AGBL1: variants seen among roughly 807,000 people sequenced by gnomAD.
AGBL1 encodes the protein cytosolic carboxypeptidase 4.
Under a neutral mutation model 118.9 loss-of-function variants are expected in AGBL1, and 130 were observed. The ratio of observed to expected loss-of-function variants is 1.09; its 90% CI spans 0.95 to 1.26. The LOEUF (loss-of-function observed/expected upper bound fraction) is 1.26. AGBL1 is among the 50% of genes most tolerant of loss of function. AGBL1 has a pLI of 0.00. For synonymous variants in AGBL1, 555 were observed against 478.9 expected, an observed-to-expected ratio of 1.16 and a Z score of -2.08; for missense variants, 1,584 against 1,298.1, an observed-to-expected ratio of 1.22 and a Z score of -3.38.
chr15:86,782,180 T>G (rs1190255868), intron 22 of AGBL1, among the ~76,000 whole-genome samples: 1 of 152,176 alleles, frequency 6.6e-6, no homozygotes, highest in African/African-American at 2.4e-5. Context: ...TTTTAAATAA[T>G]TAGAGCCTTA....
intron 5 of AGBL1, among the ~76,000 whole-genome samples, chr15:86,223,005 G>C (rs1436687384): frequency 1.3e-5 from 2 of 152,054 alleles, no homozygotes; most frequent in Non-Finnish European, 2.9e-5. Context: ...GTTTCTATCT[G>C]GCTTTCAGAA....
intron 18 of AGBL1, among the ~76,000 whole-genome samples, chr15:86,413,674 T>C (rs1240626099): frequency 6.6e-6 from 1 of 152,190 alleles, no homozygotes; most frequent in African/African-American, 2.4e-5. Context: ...ATATCTTCTT[T>C]TGAAAAATGT....
chr15:86,848,529 T>C (rs1038477545), intron 22 of AGBL1, among the ~76,000 whole-genome samples: 1 of 152,222 alleles, frequency 6.6e-6, no homozygotes, highest in South Asian at 2.1e-4. Context: ...TGGTTACTTA[T>C]ACCCCTTTAT....
At chr15:86,399,750 A>C (rs911704481) in intron 18 of AGBL1, among the ~76,000 whole-genome samples, 2 of 152,198 alleles carry the variant, frequency 1.3e-5, no homozygotes, top group African/African-American at 4.8e-5. Flanking sequence ...GACACACATT[A>C]TTTCCAGCTC....
At chr15:86,104,098 A>C (rs1268904205) in intron 1 of AGBL1, among the ~76,000 whole-genome samples, 2 of 152,134 alleles carry the variant, frequency 1.3e-5, no homozygotes, top group Non-Finnish European at 2.9e-5. Flanking sequence ...GACTGTCCTC[A>C]ATCCCATGAG....
intron 17 of AGBL1, among the ~76,000 whole-genome samples, chr15:86,382,146 C>T (rs2141962300): frequency 6.6e-6 from 1 of 151,562 alleles, no homozygotes; most frequent in Middle Eastern, 3.4e-3. Context: ...ACATCAGTCC[C>T]AGGGGATGGG....
At chr15:86,675,482 C>T (rs2085824693) in intron 22 of AGBL1, among the ~76,000 whole-genome samples, 1 of 152,148 alleles carries the variant, frequency 6.6e-6, no homozygotes, top group African/African-American at 2.4e-5. Context: ...TTGCTCACCA[C>T]ACTGGGCTAT....
At position 86,397,493 on chromosome 15, in the gene AGBL1, C is replaced by A; in HGVS notation, c.2502C>A (p.Asn834Lys). ...CTGTGGCTAGGCTCTTGAGGGAAAA[C>A]TTCATCTTCAAGATCATACCCATGC... Reference protein sequence around the residue: ...SDPVARLLRENFIFKIIPMLN... With the variant: ...SDPVARLLREKFIFKIIPMLN... Residue 834 changes from asparagine to lysine, a missense_variant, in exon 18 of 23, where the codon AAC becomes AAA. Coordinates refer to ENST00000614907, the MANE Select transcript of AGBL1 (RefSeq NM_001386094.1). 6.2e-7 allele frequency: 1 copy of A among 1,613,038 alleles called. No homozygotes were observed. Among genetic ancestry groups the A allele is most frequent in the South Asian group, 1.1e-5 (1 of 91,010 alleles).
In AGBL1 at chr15:86,644,851, C is replaced by CAAAA. The variant is rs11434077; in HGVS notation, c.2995-29404_2995-29401dup. ...TGAAACCTCATCTCTACTAAAAATA[C>CAAAA]AAAAAAAAAAAAAAAAAAAAATAGC... is the stretch of plus-strand genomic sequence containing the variant. On this transcript the variant is annotated intron_variant, in intron 21 of 22. Transcript: ENST00000614907. 4.0e-3 allele frequency among the ~76,000 whole-genome samples: 394 copies of CAAAA among 99,570 alleles called. 12 individuals are homozygous for CAAAA. The highest frequency in any genetic ancestry group is 0.014 in the African/African-American group (339 of 24,316). The allele number at this position is 99,570 out of a possible 152,430, so 65.3% of individuals were successfully genotyped here.
At chr15:86,848,733 G>A (rs576945902) in intron 22 of AGBL1, among the ~76,000 whole-genome samples, 3 of 152,102 alleles carry the variant, frequency 2.0e-5, no homozygotes, top group African/African-American at 4.8e-5. Flanking sequence ...AAAACAGTGA[G>A]ACAAAGCATT....
chr15:86,935,177 T>A (rs953991227), intron 23 of AGBL1: 2 of 152,168 alleles, frequency 1.3e-5, no homozygotes, highest in African/African-American at 4.8e-5. Context: ...GACTTCTCCA[T>A]CATGTTCTTG....
chr15:86,560,645 T>A lies in AGBL1; in HGVS notation c.2994+6108T>A, dbSNP rs1225519643. ...AGCAGCAGGATTTATAATCCTTTGGTTATATACCCAGTAATGGGATGGCTG... is the reference window on the plus strand; with the variant it reads ...AGCAGCAGGATTTATAATCCTTTGGATATATACCCAGTAATGGGATGGCTG... On this transcript the variant is annotated intron_variant, in intron 21 of 22. Transcript: ENST00000614907. Among the ~76,000 whole-genome samples the A allele has an allele frequency of 2.0e-5, 3 of 152,156 alleles. No individual in the cohort carries two copies. In the East Asian group the frequency reaches 5.8e-4, roughly 29 times the overall value.
chr15:87,025,615 C>A (rs1489696300), intron 24 of AGBL1, among the ~76,000 whole-genome samples: 2 of 151,936 alleles, frequency 1.3e-5, no homozygotes, highest in Non-Finnish European at 2.9e-5. Flanking sequence ...CATCAAAATA[C>A]CACCATCATT....
chr15:86,356,605 T>C (rs903549561), intron 17 of AGBL1, among the ~76,000 whole-genome samples: 5 of 152,130 alleles, frequency 3.3e-5, no homozygotes, highest in Non-Finnish European at 7.3e-5. Flanking sequence ...ACAGATCCCA[T>C]GCTGCATCCC....
At chr15:86,674,602 G>T (rs930664380) in intron 22 of AGBL1, among the ~76,000 whole-genome samples, 166 bp downstream of exon 22, 2 of 152,120 alleles carry the variant, frequency 1.3e-5, no homozygotes, top group African/African-American at 4.8e-5. Flanking sequence ...TGATGAAAAA[G>T]AGGATGCTGC....
At chr15:86,698,394 A>AT (rs2086298779) in intron 22 of AGBL1, among the ~76,000 whole-genome samples, 1 of 152,008 alleles carries the variant, frequency 6.6e-6, no homozygotes, top group South Asian at 2.1e-4. Flanking sequence ...GTTCAGAGTG[A>AT]TTAAACACTT....
At chr15:86,146,836 A>G (rs12441564) in intron 3 of AGBL1, among the ~76,000 whole-genome samples, 34,075 of 152,060 alleles carry the variant, frequency 0.22, 4,031 homozygotes, top group South Asian at 0.27. Flanking sequence ...AGGTTTAGTT[A>G]CAACCTCTTT....
chr15:86,755,497 A>G (rs1303769198), intron 22 of AGBL1, among the ~76,000 whole-genome samples: 7 of 152,084 alleles, frequency 4.6e-5, no homozygotes, highest in Admixed American at 1.3e-4. Context: ...AATGGACACC[A>G]CTGCCATTTC....
At chr15:86,938,507 C>A (rs888728842) in intron 23 of AGBL1, among the ~76,000 whole-genome samples, 1 of 152,218 alleles carries the variant, frequency 6.6e-6, no homozygotes, top group African/African-American at 2.4e-5. Context: ...CTAATTCAGG[C>A]AGCTGAACGT....
Sources: allele counts gnomAD v4.1 joint callset (sites outside exome capture counted in the v4.1 genomes callset), GRCh38; gene constraint gnomAD v4.1.1; transcripts MANE v1.5; gene names NCBI Gene and HGNC (gene_info 2026-07-23, HGNC 2026-07-21).